ASIC2: variants seen among roughly 807,000 people sequenced by gnomAD.
ASIC2 encodes acid sensing ion channel subunit 2, also known as acid-sensing ion channel 2.
A neutral mutation model predicts 57.3 loss-of-function variants in ASIC2; 25 were observed. The observed-to-expected ratio is 0.44, with a 90% CI of 0.32 to 0.61. The LOEUF (loss-of-function observed/expected upper bound fraction) is 0.61. Ranked by LOEUF, ASIC2 falls within the 20% of genes least tolerant of loss-of-function variation. The pLI is 0.06. For missense variants in ASIC2, 641 were observed against 738.1 expected (o/e 0.87, Z 1.52); for synonymous variants, 319 against 307.5 (o/e 1.04, Z -0.39).
intron 3 of ASIC2, among the ~76,000 whole-genome samples, chr17:33,033,662 C>CCT (rs1262661173): frequency 2.6e-4 from 39 of 152,334 alleles, no homozygotes; most frequent in African/African-American, 9.4e-4. Context: ...CCATGAATGA[C>CCT]AGCAGGAGGC....
intron 1 of ASIC2, among the ~76,000 whole-genome samples, chr17:33,539,247 T>C (rs559577436): frequency 6.6e-6 from 1 of 152,368 alleles, no homozygotes; most frequent in South Asian, 2.1e-4. Context: ...CAGATGCTTA[T>C]TGCTTGCAAA....
chr17:33,786,070 G>A (rs1207744981), intron 1 of ASIC2, among the ~76,000 whole-genome samples: 1 of 152,206 alleles, frequency 6.6e-6, no homozygotes, highest in East Asian at 1.9e-4. Context: ...GGAAGTAAGA[G>A]AAGAGGCTGG....
intron 1 of ASIC2, among the ~76,000 whole-genome samples, chr17:33,678,435 C>CACACACACACACACACA (rs1907894434): frequency 1.8e-4 from 25 of 139,600 alleles, no homozygotes; most frequent in Admixed American, 5.8e-4. Context: ...CTGGTTCAAT[C>CACACACACACACACACA]CACACACACA....
intron 1 of ASIC2, among the ~76,000 whole-genome samples, chr17:33,782,076 A>T (rs993827431): frequency 2.0e-5 from 3 of 152,154 alleles, no homozygotes; most frequent in Non-Finnish European, 4.4e-5. Flanking sequence ...TCTTTGTCTG[A>T]TCGGTGGTTT....
At chr17:33,180,988 C>A (rs1002573446) in intron 1 of ASIC2, among the ~76,000 whole-genome samples, 1 of 152,258 alleles carries the variant, frequency 6.6e-6, no homozygotes, top group Admixed American at 6.5e-5. Flanking sequence ...ATTCAGAGAA[C>A]CTTTGGGGAG....
chr17:33,430,431 T>G (rs923294399), intron 1 of ASIC2, among the ~76,000 whole-genome samples: 8 of 152,090 alleles, frequency 5.3e-5, no homozygotes, highest in Non-Finnish European at 1.2e-4. Flanking sequence ...GAATACAGCG[T>G]TAAAAACTGG....
chr17:33,965,593 C>G (rs2141994821), intron 1 of ASIC2, among the ~76,000 whole-genome samples: 1 of 152,306 alleles, frequency 6.6e-6, no homozygotes, highest in African/African-American at 2.4e-5. Context: ...GAACACTTAT[C>G]TGTACTAGCT....
At chr17:33,366,568 A>G (rs1597701237) in intron 1 of ASIC2, among the ~76,000 whole-genome samples, 1 of 152,278 alleles carries the variant, frequency 6.6e-6, no homozygotes, top group Middle Eastern at 3.4e-3. Flanking sequence ...AATCTAGATC[A>G]AGGATCCTTT....
chr17:33,628,417 G>A (rs1906055008), intron 1 of ASIC2, among the ~76,000 whole-genome samples: 1 of 151,760 alleles, frequency 6.6e-6, no homozygotes, highest in Non-Finnish European at 1.5e-5. Flanking sequence ...TCAGCCTCCT[G>A]AGTAGCTAGG....
intron 1 of ASIC2, among the ~76,000 whole-genome samples, chr17:34,021,837 GTT>G (rs11394863): frequency 7.4e-4 from 88 of 118,302 alleles, no homozygotes; most frequent in African/African-American, 2.4e-3. Context: ...GTTTTGTTTT[GTT>G]TTTTTTTTTT....
intron 1 of ASIC2, among the ~76,000 whole-genome samples, chr17:33,388,843 T>C (rs938617686): frequency 1.3e-5 from 2 of 152,246 alleles, no homozygotes; most frequent in Non-Finnish European, 2.9e-5. Context: ...CTCCCTGTGG[T>C]AACCCAGCAA....
At chr17:33,535,829 C>G (rs981740322) in intron 1 of ASIC2, among the ~76,000 whole-genome samples, 4 of 152,154 alleles carry the variant, frequency 2.6e-5, no homozygotes, top group Non-Finnish European at 5.9e-5. Flanking sequence ...TGAATGACCA[C>G]GTGAAACAGA....
chr17:33,781,056 A>C (rs1911436843), intron 1 of ASIC2, among the ~76,000 whole-genome samples: 1 of 152,190 alleles, frequency 6.6e-6, no homozygotes, highest in African/African-American at 2.4e-5. Flanking sequence ...TCGTATCCTG[A>C]AAGGAAACTC....
chr17:34,119,233 C>A (rs947763214), intron 1 of ASIC2, among the ~76,000 whole-genome samples: 1 of 152,116 alleles, frequency 6.6e-6, no homozygotes, highest in African/African-American at 2.4e-5. Flanking sequence ...GACATCGATT[C>A]GAGTCCCAGC....
At chr17:33,026,680 C>T (rs1454561749) in intron 4 of ASIC2, among the ~76,000 whole-genome samples, 1 of 152,182 alleles carries the variant, frequency 6.6e-6, no homozygotes, top group Non-Finnish European at 1.5e-5. Flanking sequence ...GTGGGGAAAA[C>T]CTCACTGGCT....
intron 1 of ASIC2, among the ~76,000 whole-genome samples, chr17:33,880,483 A>T (rs532771995): frequency 6.6e-6 from 1 of 152,356 alleles, no homozygotes; most frequent in South Asian, 2.1e-4. Flanking sequence ...AAACACCTCT[A>T]TGCAAATAAA....
At position 33,158,714 on chromosome 17, in the gene ASIC2, G is replaced by A. The variant is rs1333197913; in HGVS notation, c.709-46647C>T. 2.6e-5 allele frequency among the ~76,000 whole-genome samples: 4 copies of A among 152,198 alleles called. No individual in the cohort carries two copies. In the South Asian group the frequency reaches 6.2e-4, roughly 24 times the overall value. ...ACCCATGAGTGACTTCGGGCAAGCC[G>A]TTCAGTCTCTCTGTTCCACCTTTGT... On this transcript the variant is annotated intron_variant, in intron 1 of 9. Transcript: ENST00000225823.
chr17:33,871,381 C>G (rs908386597), intron 1 of ASIC2, among the ~76,000 whole-genome samples: 4 of 152,204 alleles, frequency 2.6e-5, no homozygotes, highest in Non-Finnish European at 5.9e-5. Flanking sequence ...GGCAAGGCAG[C>G]AGAGGCACTG....
intron 1 of ASIC2, chr17:33,793,631 G>A (rs553058240): frequency 2.0e-5 from 3 of 152,306 alleles, no homozygotes; most frequent in East Asian, 3.9e-4. Context: ...CTATCTTGTA[G>A]GAGGTAGGAT....
Sources: gnomAD v4.1 joint callset for allele counts (sites outside exome capture counted in the v4.1 genomes callset) on GRCh38, gnomAD v4.1.1 for gene constraint, MANE v1.5 for transcripts, NCBI Gene and HGNC (gene_info 2026-07-23, HGNC 2026-07-21) for gene names.